PTPRT: variants seen among roughly 807,000 people sequenced by gnomAD.
PTPRT encodes the protein protein tyrosine phosphatase receptor type T.
A neutral mutation model predicts 176.8 loss-of-function variants in PTPRT; 56 were observed. The observed-to-expected ratio is 0.32, with a 90% CI of 0.26 to 0.40. The LOEUF (loss-of-function observed/expected upper bound fraction) is 0.40, where lower values mean the gene tolerates loss of function less well. Ranked by LOEUF, PTPRT falls within the 10% of genes least tolerant of loss-of-function variation. The pLI, the probability that PTPRT is intolerant of heterozygous loss-of-function variation, is 1.00. For missense variants in PTPRT, 1,540 were observed against 1,908.2 expected (o/e 0.81, Z 3.60); for synonymous variants, 783 against 739.0 (o/e 1.06, Z -0.96).
At chr20:42,642,382 T>G (rs1404334548) in intron 7 of PTPRT, among the ~76,000 whole-genome samples, 2 of 152,196 alleles carry the variant, frequency 1.3e-5, no homozygotes, top group African/African-American at 4.8e-5. Context: ...GACAGAGTTA[T>G]GGACCTCCCT....
rs5841455 is a variant in PTPRT, at chr20:42,251,717, T to TAA, written c.2177-2897_2177-2896dup. ...AATGGGGCAAGCACCCTGTTGTACT[T>TAA]AAAAAACAAAAAAAAGAAAAGAAAT... On this transcript the variant is annotated intron_variant, in intron 13 of 30. Transcript: ENST00000373187. Among the ~76,000 whole-genome samples the TAA allele has an allele frequency of 8.1e-3, 1,160 of 143,550 alleles. 11 individuals are homozygous for TAA. The highest frequency in any genetic ancestry group is 0.023 in the African/African-American group (870 of 38,122). 94.2% of individuals were successfully genotyped at this position (143,550 alleles called of 152,430 possible).
rs532011121 is a variant in PTPRT at position 42,634,016 on chromosome 20, ATAT to A, written c.1153+43847_1153+43849del. ...TATATATATTATATATATATAATATATATATAATATATATATTATATATATTAT... is the reference window on the plus strand; with the variant it reads ...TATATATATTATATATATATAATATAATAATATATATATTATATATATTAT... On this transcript the variant is annotated intron_variant, in intron 7 of 30. Coordinates refer to ENST00000373187, the MANE Select transcript of PTPRT (RefSeq NM_007050.6). 3.9e-4 allele frequency among the ~76,000 whole-genome samples: 10 copies of A among 25,776 alleles called. 1 individual carries two copies. The highest frequency in any genetic ancestry group is 1.9e-3 in the African/African-American group (9 of 4,698). 16.9% of individuals were successfully genotyped at this position (25,776 alleles called of 152,430 possible).
chr20:42,339,186 C>G (rs2058079259), intron 11 of PTPRT, among the ~76,000 whole-genome samples: 1 of 152,232 alleles, frequency 6.6e-6, no homozygotes, highest in African/African-American at 2.4e-5. Flanking sequence ...TATTCAGCCT[C>G]ATCAAACATC....
chr20:42,260,687 G>T (rs1002089521), intron 13 of PTPRT, among the ~76,000 whole-genome samples: 2 of 152,154 alleles, frequency 1.3e-5, no homozygotes, highest in African/African-American at 4.8e-5. Flanking sequence ...CAGTCTGCAG[G>T]TCATGTAATT....
chr20:42,986,517 G>A (rs1449228980), intron 1 of PTPRT, among the ~76,000 whole-genome samples: 2 of 152,328 alleles, frequency 1.3e-5, no homozygotes, highest in South Asian at 2.1e-4. Flanking sequence ...TACAGCTCGA[G>A]AGACAGTTTC....
intron 16 of PTPRT, among the ~76,000 whole-genome samples, chr20:42,167,138 A>T (rs1989863064): frequency 6.6e-6 from 1 of 152,204 alleles, no homozygotes; most frequent in African/African-American, 2.4e-5. Flanking sequence ...CTGAGTGCTC[A>T]GTACAGTGTC....
At chr20:42,838,767 G>A (rs999121348) in intron 2 of PTPRT, among the ~76,000 whole-genome samples, 5 of 152,190 alleles carry the variant, frequency 3.3e-5, no homozygotes, top group African/African-American at 1.2e-4. Flanking sequence ...ATACAAATTG[G>A]TGACAATCTC....
At chr20:42,173,929 C>T (rs939572032) in intron 16 of PTPRT, among the ~76,000 whole-genome samples, 10 of 151,946 alleles carry the variant, frequency 6.6e-5, no homozygotes, top group Non-Finnish European at 1.3e-4. Flanking sequence ...GAACTTTGAC[C>T]GGTAGAAGAA....
chr20:42,850,565 TG>T (rs1259570091), intron 2 of PTPRT, among the ~76,000 whole-genome samples: 1 of 152,226 alleles, frequency 6.6e-6, no homozygotes, highest in African/African-American at 2.4e-5. Context: ...GCGAGTCTTT[TG>T]GCATCCCCCA....
chr20:42,362,626 A>G (rs572724885), intron 9 of PTPRT, among the ~76,000 whole-genome samples: 5 of 152,210 alleles, frequency 3.3e-5, no homozygotes, highest in African/African-American at 1.2e-4. Flanking sequence ...GTGAAATTCA[A>G]ATAAGGCCTG....
intron 11 of PTPRT, among the ~76,000 whole-genome samples, chr20:42,321,923 A>T (rs2057803645): frequency 6.6e-6 from 1 of 152,164 alleles, no homozygotes; most frequent in African/African-American, 2.4e-5. Context: ...TACAAAAAAA[A>T]TTAGCCAGGC....
At chr20:42,491,290 T>C (rs1362091851) in intron 7 of PTPRT, among the ~76,000 whole-genome samples, 1 of 152,212 alleles carries the variant, frequency 6.6e-6, no homozygotes, top group Non-Finnish European at 1.5e-5. Flanking sequence ...GTGAGTAGCA[T>C]ATATAGCATG....
chr20:42,471,950 C>G (rs1165122824), intron 8 of PTPRT, among the ~76,000 whole-genome samples: 3 of 152,162 alleles, frequency 2.0e-5, no homozygotes, highest in Non-Finnish European at 4.4e-5. Flanking sequence ...GTCACCACAC[C>G]TGGCCACAGG....
At chr20:42,656,042 T>C (rs2145984444) in intron 7 of PTPRT, among the ~76,000 whole-genome samples, 1 of 152,282 alleles carries the variant, frequency 6.6e-6, no homozygotes, top group South Asian at 2.1e-4. Context: ...ATATGATCCT[T>C]GAAGCAAGTT....
At chr20:42,134,643 AT>A (rs1555874739) in intron 18 of PTPRT, among the ~76,000 whole-genome samples, 6 of 152,196 alleles carry the variant, frequency 3.9e-5, no homozygotes, top group Non-Finnish European at 8.8e-5. Flanking sequence ...AATGTTTAAC[AT>A]ACAGCTCCCT....
At chr20:42,810,429 T>C (rs183682780) in intron 2 of PTPRT, among the ~76,000 whole-genome samples, 25 of 152,278 alleles carry the variant, frequency 1.6e-4, no homozygotes, top group Non-Finnish European at 2.6e-4. Context: ...GAAGCCTGAA[T>C]TAAATATCTA....
chr20:42,173,280 T>C (rs1042403089), intron 16 of PTPRT, among the ~76,000 whole-genome samples: 1 of 152,178 alleles, frequency 6.6e-6, no homozygotes, highest in Non-Finnish European at 1.5e-5. Context: ...GATTCTTCTA[T>C]GTGTCTGGAG....
At chr20:42,867,769 C>T (rs926857939) in intron 2 of PTPRT, among the ~76,000 whole-genome samples, 7 of 150,514 alleles carry the variant, frequency 4.7e-5, no homozygotes, top group African/African-American at 1.7e-4. Context: ...ACAACCTCCA[C>T]CTCCCAGGTT....
the PTPRT span, among the ~76,000 whole-genome samples, chr20:42,035,598 C>G: frequency 6.6e-6 from 1 of 152,114 alleles, no homozygotes; most frequent in African/African-American, 2.4e-5. Context: ...GACACAGCCC[C>G]CATCCCACAA....
Sources: allele counts gnomAD v4.1 joint callset (sites outside exome capture counted in the v4.1 genomes callset), GRCh38; gene constraint gnomAD v4.1.1; transcripts MANE v1.5; gene names NCBI Gene and HGNC (gene_info 2026-07-23, HGNC 2026-07-21).